Variants in LUZP2 observed in about 807,000 individuals in gnomAD.
LUZP2 encodes leucine zipper protein 2.
Under a neutral mutation model 51.6 loss-of-function variants are expected in LUZP2, and 52 were observed. The observed-to-expected ratio is 1.01, with a 90% CI of 0.81 to 1.27. LUZP2 has a LOEUF of 1.27. LUZP2 is among the 50% of genes most tolerant of loss of function. The pLI, the probability that LUZP2 is intolerant of heterozygous loss-of-function variation, is 0.00. For missense variants in LUZP2, 436 were observed against 395.4 expected (o/e 1.10, Z -0.87); for synonymous variants, 154 against 137.3 (o/e 1.12, Z -0.85).
intron 9 of LUZP2, among the ~76,000 whole-genome samples, chr11:24,987,082 G>A (rs188796823): frequency 8.6e-5 from 13 of 151,830 alleles, no homozygotes; most frequent in African/African-American, 2.9e-4. Flanking sequence ...AGTTGTTGAG[G>A]AGATCAAATA....
intron 9 of LUZP2, among the ~76,000 whole-genome samples, chr11:24,995,266 G>A (rs1041158978): frequency 2.6e-5 from 4 of 152,154 alleles, no homozygotes; most frequent in South Asian, 2.1e-4. Context: ...GGTGGTACAC[G>A]CCTGTAGTCC....
At chr11:24,672,094 T>G (rs1038496914) in intron 1 of LUZP2, among the ~76,000 whole-genome samples, 5 of 152,148 alleles carry the variant, frequency 3.3e-5, no homozygotes, top group African/African-American at 1.2e-4. Context: ...TATTACATGC[T>G]GTACAATTTA....
intron 1 of LUZP2, among the ~76,000 whole-genome samples, chr11:24,672,718 A>G (rs147149251): frequency 1.2e-4 from 18 of 152,318 alleles, no homozygotes; most frequent in African/African-American, 4.1e-4. Context: ...ACACACCTAG[A>G]AGGTATAGTC....
chr11:25,039,161 TC>T (rs1427645105), intron 9 of LUZP2, among the ~76,000 whole-genome samples: 16 of 152,304 alleles, frequency 1.1e-4, no homozygotes, highest in Admixed American at 2.6e-4. Context: ...GTTAGATCTT[TC>T]AGGTGTTGGG....
chr11:24,690,481 TG>T (rs900752455), intron 1 of LUZP2, among the ~76,000 whole-genome samples: 32 of 152,292 alleles, frequency 2.1e-4, no homozygotes, highest in African/African-American at 7.7e-4. Context: ...CCTATCAATG[TG>T]TTCACATGTT....
chr11:24,777,057 T>C (rs998737232), intron 5 of LUZP2, among the ~76,000 whole-genome samples: 3 of 149,748 alleles, frequency 2.0e-5, no homozygotes, highest in African/African-American at 4.9e-5. Context: ...TGCAGTGGTG[T>C]GATCTCGGCT....
At chr11:24,656,292 A>G (rs1855800702) in intron 1 of LUZP2, among the ~76,000 whole-genome samples, 1 of 152,218 alleles carries the variant, frequency 6.6e-6, no homozygotes, top group Non-Finnish European at 1.5e-5. Flanking sequence ...GTAATAAATT[A>G]TCACAAATTT....
chr11:24,915,950 C>T (rs1229900951), intron 7 of LUZP2, among the ~76,000 whole-genome samples: 4 of 152,024 alleles, frequency 2.6e-5, no homozygotes. Flanking sequence ...ATACTTTCCC[C>T]TTAGGATATG....
chr11:24,849,675 G>A (rs1590635492), intron 5 of LUZP2, among the ~76,000 whole-genome samples: 1 of 152,194 alleles, frequency 6.6e-6, no homozygotes, highest in Non-Finnish European at 1.5e-5. Context: ...GGTATTTCTT[G>A]TTCTAGATCC....
intron 4 of LUZP2, among the ~76,000 whole-genome samples, chr11:24,761,835 C>A (rs1272140202): frequency 1.3e-5 from 2 of 150,772 alleles, no homozygotes; most frequent in African/African-American, 4.9e-5. Context: ...CAAACTTTAA[C>A]ATAAAGTAAT....
chr11:24,870,257 A>G (rs1852019391), intron 5 of LUZP2, among the ~76,000 whole-genome samples: 1 of 152,178 alleles, frequency 6.6e-6, no homozygotes, highest in Non-Finnish European at 1.5e-5. Flanking sequence ...CTCTTGCACA[A>G]CCACATTGCC....
intron 4 of LUZP2, among the ~76,000 whole-genome samples, chr11:24,756,488 A>G (rs1859778385): frequency 6.6e-6 from 1 of 152,220 alleles, no homozygotes; most frequent in South Asian, 2.1e-4. Context: ...CTGCAGCTCT[A>G]TACCATGGGG....
At chr11:24,674,708 GAA>G (rs574433287) in intron 1 of LUZP2, among the ~76,000 whole-genome samples, 2 of 150,938 alleles carry the variant, frequency 1.3e-5, no homozygotes, top group Non-Finnish European at 3.0e-5. Context: ...ACACAGAGAA[GAA>G]AAAAAAAGTC....
At position 24,769,475 on chromosome 11, in the gene LUZP2, G is replaced by A. The variant is rs1043274295; in HGVS notation, c.396+6167G>A. On this transcript the variant is annotated intron_variant, in intron 5 of 11. Transcript: ENST00000336930. ...CTTGATAATTACACAATCTATATGTGTATTGAACATCACATTGCAGCTGAT... is the reference window on the plus strand; with the variant it reads ...CTTGATAATTACACAATCTATATGTATATTGAACATCACATTGCAGCTGAT... Among the ~76,000 whole-genome samples, 3 of 152,122 alleles carry A rather than the reference G, an allele frequency of 2.0e-5. No individual in the cohort carries two copies. The South Asian group carries it at 6.2e-4, about 31-fold the overall frequency.
chr11:24,544,026 A>G (rs966913726), intron 1 of LUZP2, among the ~76,000 whole-genome samples: 3 of 151,974 alleles, frequency 2.0e-5, no homozygotes, highest in Admixed American at 6.6e-5. Flanking sequence ...GTGTGATGGA[A>G]AAAAAGCAGC....
chr11:24,929,116 G>GTC lies in LUZP2; in HGVS notation c.522+14582_522+14583dup, dbSNP rs367905026. Among the ~76,000 whole-genome samples the GTC allele has an allele frequency of 9.7e-3, 1,472 of 151,748 alleles. 19 individuals are homozygous for GTC. Among genetic ancestry groups the GTC allele is most frequent in the South Asian group, 0.045 (216 of 4,818 alleles). On this transcript the variant is annotated intron_variant, in intron 7 of 11. Coordinates refer to ENST00000336930, the MANE Select transcript of LUZP2 (RefSeq NM_001009909.4). ...ATTTCTGATTAAGCTTATTTGGATT[G>GTC]TCTCTTCTTGGTTAACCTTGCTAAT...
intron 1 of LUZP2, among the ~76,000 whole-genome samples, chr11:24,569,571 C>A (rs1852358574): frequency 6.6e-6 from 1 of 151,748 alleles, no homozygotes; most frequent in South Asian, 2.1e-4. Flanking sequence ...CTCTACATGC[C>A]AATGAAAATA....
rs1854811871 is a variant in LUZP2 at position 24,629,694 on chromosome 11, CCG to C, written c.63-99473_63-99472del. 2.6e-5 allele frequency among the ~76,000 whole-genome samples: 4 copies of C among 151,380 alleles called. No homozygotes were observed. In the South Asian group the frequency reaches 8.3e-4, roughly 31 times the overall value. On this transcript the variant is annotated intron_variant, in intron 1 of 11. Coordinates refer to ENST00000336930, the MANE Select transcript of LUZP2 (RefSeq NM_001009909.4). Reference sequence around the variant, plus strand: ...TCTTTTTGATAAAATGATTTATTTTCCGCTGGATAGATACCCAGTAGTGGGAT... The same window carrying C: ...TCTTTTTGATAAAATGATTTATTTTCCTGGATAGATACCCAGTAGTGGGAT...
chr11:24,500,952 A>G (rs1253221085), intron 1 of LUZP2, among the ~76,000 whole-genome samples: 1 of 152,220 alleles, frequency 6.6e-6, no homozygotes, highest in African/African-American at 2.4e-5. Context: ...GATTTGTAGA[A>G]TAAAGGACAA....
Sources: allele counts gnomAD v4.1 joint callset (sites outside exome capture counted in the v4.1 genomes callset), GRCh38; gene constraint gnomAD v4.1.1; transcripts MANE v1.5; gene names NCBI Gene and HGNC (gene_info 2026-07-23, HGNC 2026-07-21).